The following FRMD1 variants were observed in gnomAD, a reference collection of about 807,000 sequenced individuals.
FRMD1 encodes the protein FERM domain containing 1.
A neutral mutation model predicts 54.9 loss-of-function variants in FRMD1; 51 were observed. The observed-to-expected ratio is 0.93, with a 90% CI of 0.74 to 1.17. The LOEUF (loss-of-function observed/expected upper bound fraction) is 1.17, where lower values mean the gene tolerates loss of function less well. Among genes scored for constraint, FRMD1 ranks in the 50% most tolerant of loss-of-function variants. The probability of loss-of-function intolerance (pLI) is 0.00; values close to 1 mark genes in which losing one functional copy is unlikely to be tolerated. For synonymous variants in FRMD1, 324 were observed against 306.4 expected (o/e 1.06, Z -0.60); for missense variants, 729 against 743.0 (o/e 0.98, Z 0.22).
intron 2 of FRMD1, among the ~76,000 whole-genome samples, 161 bp downstream of exon 2, chr6:168,075,084 G>T (rs9364396): frequency 0.87 from 131,549 of 151,782 alleles, 57,085 homozygotes; most frequent in Non-Finnish European, 0.9. Flanking sequence ...GTACATGTGA[G>T]TGGTGTGTAA....
chr6:168,075,185 T>C, intron 2 of FRMD1, 60 bp downstream of exon 2: 1 of 1,438,800 alleles, frequency 7.0e-7, no homozygotes, highest in Non-Finnish European at 9.8e-7. Flanking sequence ...CCCACCCCCT[T>C]GACCTCCAGC....
upstream of FRMD1, chr6:168,081,521 T>C: frequency 2.0e-6 from 3 of 1,524,564 alleles, no homozygotes; most frequent in Non-Finnish European, 1.8e-6. Context: ...TCTCTTCTTC[T>C]GGACGGCTGG....
intron 1 of FRMD1, among the ~76,000 whole-genome samples, chr6:168,087,070 C>CT (rs780789389): frequency 0.017 from 2,520 of 147,906 alleles, 57 homozygotes; most frequent in Admixed American, 0.053. Context: ...TCTTGTTTCA[C>CT]TTTTTTTTTT....
intron 4 of FRMD1, chr6:168,066,352 GC>G: frequency 3.9e-6 from 2 of 513,122 alleles, no homozygotes; most frequent in Non-Finnish European, 5.1e-6. Context: ...TACAAAATTA[GC>G]CAGGTGTGGT....
Position 168,057,376 on chromosome 6 carries a change from C to G in FRMD1, c.1408-37G>C, listed in dbSNP as rs755362891. On this transcript the variant is annotated intron_variant, in intron 10 of 10. Transcript: ENST00000283309. ...GGCCATGGGATGAGGCCTGCTGCCCCCTCTCACTCCCACCACCGCACACGG... is the reference window on the plus strand; with the variant it reads ...GGCCATGGGATGAGGCCTGCTGCCCGCTCTCACTCCCACCACCGCACACGG... 140 of 1,595,980 alleles carry G rather than the reference C, an allele frequency of 8.8e-5. 3 individuals are homozygous for G. The highest frequency in any genetic ancestry group is 7.5e-4 in the Middle Eastern group (4 of 5,360).
chr6:168,060,746 C>T lies in FRMD1; in HGVS notation c.1342+15G>A. The T allele has an allele frequency of 1.3e-6, 2 of 1,598,330 alleles. No homozygotes were observed. Among genetic ancestry groups the T allele is most frequent in the Non-Finnish European group, 1.7e-6 (2 of 1,170,190 alleles). On this transcript the variant is annotated intron_variant, in intron 9 of 10. Coordinates refer to ENST00000283309, the MANE Select transcript of FRMD1 (RefSeq NM_024919.6). ...CTCACTGTCCCTGAGGCCTGGGCAT[C>T]TCCCTCGGGCCCACCTTGGCTGTCA...
intron 2 of FRMD1, among the ~76,000 whole-genome samples, chr6:168,068,939 C>G (rs1800168818): frequency 6.6e-6 from 1 of 152,250 alleles, no homozygotes; most frequent in Non-Finnish European, 1.5e-5. Flanking sequence ...TCCTTAGTAC[C>G]TGGCTCTTCT....
intron 4 of FRMD1, chr6:168,065,459 C>A (rs1009215034): frequency 4.0e-6 from 4 of 1,004,006 alleles, no homozygotes; most frequent in Non-Finnish European, 4.7e-6. Context: ...GCTCCCAGAG[C>A]TCACCGCCCA....
intron 4 of FRMD1, chr6:168,066,200 G>C: frequency 1.0e-6 from 1 of 987,620 alleles, no homozygotes; most frequent in Non-Finnish European, 1.2e-6. Context: ...CCTGGCATTT[G>C]AGGAAGTACC....
At chr6:168,083,694 C>T (rs1354161473), upstream of FRMD1, among the ~76,000 whole-genome samples, 1 of 152,150 alleles carries the variant, frequency 6.6e-6, no homozygotes, top group Non-Finnish European at 1.5e-5. Flanking sequence ...ATGGGGCCGG[C>T]AGGGCTGGGG....
At position 168,079,085 on chromosome 6, in the gene FRMD1, G is replaced by T; in HGVS notation, c.10C>A (p.Pro4Thr). 1 of 1,601,876 alleles carries T rather than the reference G, an allele frequency of 6.2e-7. No individual in the cohort carries two copies. The highest frequency in any genetic ancestry group is 1.3e-5 in the African/African-American group (1 of 74,896). MAV[P>T]PRGRGIDPAR... ...GGGTCTATGCCCCTCCCTCTCGGGG[G>T]CACCGCCATGCTGTCGTTACTCGGC... Residue 4 changes from proline (P) to threonine (T), a missense_variant, in exon 1 of 11, where the codon CCC (proline) becomes ACC (threonine). Pro to Thr is a conservative substitution (Grantham distance 38, BLOSUM62 -1). Coordinates refer to ENST00000283309, the MANE Select transcript of FRMD1 (RefSeq NM_024919.6).
At chr6:168,075,702 G>T in intron 1 of FRMD1, 1 of 1,474,892 alleles carries the variant, frequency 6.8e-7, no homozygotes, top group Non-Finnish European at 9.3e-7. Context: ...ACAAATGAAT[G>T]CTTGGTTCCC....
chr6:168,085,843 A>G (rs1017321657), upstream of FRMD1, among the ~76,000 whole-genome samples: 5 of 152,106 alleles, frequency 3.3e-5, no homozygotes, highest in Non-Finnish European at 7.4e-5. Flanking sequence ...AAAGCCTTCC[A>G]TGGCTCCCTA....
chr6:168,062,687 C>A, intron 7 of FRMD1: 2 of 1,550,832 alleles, frequency 1.3e-6, no homozygotes, highest in South Asian at 2.4e-5. Flanking sequence ...TGCCAGCTTC[C>A]CAACGTGGGG....
chr6:168,088,743 C>T lies in FRMD1; in HGVS notation c.-11-9719G>A, dbSNP rs1197299903. Among the ~76,000 whole-genome samples, 3 of 152,276 alleles carry T rather than the reference C, an allele frequency of 2.0e-5. No individual in the cohort carries two copies. In the East Asian group the frequency reaches 5.8e-4, roughly 29 times the overall value. On this transcript the variant is annotated intron_variant, in intron 1 of 12. Coordinates refer to the FRMD1 transcript ENST00000644440. ...CTTTGTAGACAGAACCCCCAGGCTACCCTCTTACTGCTGTCCCCTGCACAC... is the reference window on the plus strand; with the variant it reads ...CTTTGTAGACAGAACCCCCAGGCTATCCTCTTACTGCTGTCCCCTGCACAC...
At position 168,066,815 on chromosome 6, in the gene FRMD1, C is replaced by T; in HGVS notation, c.401G>A (p.Arg134Lys). The change falls in exon 4 of 11, where the codon AGA becomes AAA. Residue 134 changes from arginine (R) to lysine (K), a missense_variant. Arg to Lys is a conservative substitution (Grantham distance 26, BLOSUM62 2). Coordinates refer to ENST00000283309, the MANE Select transcript of FRMD1 (RefSeq NM_024919.6). ...KERNEGNEKP[R>K]APFVAFLRVQ... is the part of the protein sequence containing the mutation. ...TCGGAGGAAGGCCACGAAGGGGGCT[C>T]TGGGTTTCTCATTTCCCTAGTGGGG... The T allele has an allele frequency of 6.2e-7, 1 of 1,613,856 alleles. No individual in the cohort carries two copies. The highest frequency in any genetic ancestry group is 8.5e-7 in the Non-Finnish European group (1 of 1,179,962).
Position 168,063,479 on chromosome 6 carries a change from T to C in FRMD1, c.804+122A>G. ...CTGCCCCGGGGTCCTGGTCCCACTC[T>C]TAGCCATGGGGGCTCCATCCATCCC... On this transcript the variant is annotated intron_variant, in intron 6 of 10. Coordinates refer to ENST00000283309, the MANE Select transcript of FRMD1 (RefSeq NM_024919.6). 2.5e-6 allele frequency: 3 copies of C among 1,196,684 alleles called. No homozygotes were observed. In the South Asian group the frequency reaches 5.2e-5, roughly 21 times the overall value. 74.1% of individuals were successfully genotyped at this position (1,196,684 alleles called of 1,614,324 possible). A position where few individuals can be genotyped will look rare whatever the true frequency, so the allele number is the denominator to read the frequency against.
At chr6:168,081,374 T>A, upstream of FRMD1, 1 of 1,534,624 alleles carries the variant, frequency 6.5e-7, no homozygotes, top group Non-Finnish European at 8.7e-7. Context: ...GACTGGCCTG[T>A]TCGTGATGGA....
chr6:168,090,433 G>T (rs953806492), intron 1 of FRMD1, among the ~76,000 whole-genome samples: 1 of 152,172 alleles, frequency 6.6e-6, no homozygotes, highest in Non-Finnish European at 1.5e-5. Flanking sequence ...AGCCACCCTA[G>T]CCCCTTGCCT....
Sources: allele counts gnomAD v4.1 joint callset (sites outside exome capture counted in the v4.1 genomes callset), GRCh38; gene constraint gnomAD v4.1.1; transcripts MANE v1.5; gene names NCBI Gene and HGNC (gene_info 2026-07-23, HGNC 2026-07-21).